MAGI3: variants seen among roughly 807,000 people sequenced by gnomAD.
The protein encoded by MAGI3 is membrane associated guanylate kinase, WW and PDZ domain containing 3.
A neutral mutation model predicts 121.8 loss-of-function variants in MAGI3; 43 were observed. The observed-to-expected ratio is 0.35, with a 90% CI of 0.28 to 0.46. The LOEUF is 0.46. MAGI3 is among the 20% of genes least tolerant of loss of function. MAGI3 has a pLI of 1.00. For missense variants in MAGI3, 1,547 were observed against 1,797.3 expected, an observed-to-expected ratio of 0.86 and a Z score of 2.52; for synonymous variants, 553 against 639.3, an observed-to-expected ratio of 0.86 and a Z score of 2.04.
At chr1:113,565,171 C>G (rs1224221466) in intron 2 of MAGI3, among the ~76,000 whole-genome samples, 1 of 152,028 alleles carries the variant, frequency 6.6e-6, no homozygotes, top group Non-Finnish European at 1.5e-5. Flanking sequence ...TTTTAAAGCA[C>G]AAAGTATCAA....
At chr1:113,623,477 C>CACACACACACACACACACACAT (rs1306716185) in intron 9 of MAGI3, among the ~76,000 whole-genome samples, 2 of 22,124 alleles carry the variant, frequency 9.0e-5, no homozygotes, top group African/African-American at 3.1e-4. Context: ...CACACACACA[C>CACACACACACACACACACACAT]ACACACACAC....
intron 1 of MAGI3, among the ~76,000 whole-genome samples, chr1:113,426,739 A>AT (rs931269521): frequency 7.2e-5 from 11 of 151,932 alleles, no homozygotes; most frequent in Non-Finnish European, 1.6e-4. Context: ...ACATGATATA[A>AT]TTTTTTTTAT....
chr1:113,446,749 T>C (rs1289761359), intron 1 of MAGI3, among the ~76,000 whole-genome samples: 1 of 152,146 alleles, frequency 6.6e-6, no homozygotes, highest in Admixed American at 6.5e-5. Flanking sequence ...TCAGACAAAA[T>C]AGGCTTTAAA....
chr1:113,681,084 A>G (rs1042446250), intron 19 of MAGI3, 114 bp from the exon 20 acceptor site: 36 of 1,239,458 alleles, frequency 2.9e-5, no homozygotes, highest in Non-Finnish European at 3.8e-5. Flanking sequence ...CACGTTAGGT[A>G]TTTTACAAAC....
chr1:113,648,705 G>A (rs1570997541), intron 12 of MAGI3, among the ~76,000 whole-genome samples: 1 of 152,078 alleles, frequency 6.6e-6, no homozygotes, highest in East Asian at 1.9e-4. Context: ...ATAAATGTTA[G>A]CTCTTAATTA....
Position 113,486,940 on chromosome 1 carries a change from G to A in MAGI3, c.317-62575G>A, listed in dbSNP as rs117778455. On this transcript the variant is annotated intron_variant, in intron 1 of 20. Coordinates refer to ENST00000307546, the MANE Select transcript of MAGI3 (RefSeq NM_001142782.2). ...TGCCCAGGCTGGTTGCAAACTCTTGGCCTCAAGCAATACTCCTGCCTTGAC... is the reference window on the plus strand; with the variant it reads ...TGCCCAGGCTGGTTGCAAACTCTTGACCTCAAGCAATACTCCTGCCTTGAC... 6.4e-4 allele frequency among the ~76,000 whole-genome samples: 98 copies of A among 152,170 alleles called. No individual in the cohort carries two copies. The East Asian group carries it at 0.017, about 26-fold the overall frequency.
chr1:113,663,348 C>T (rs547683314), intron 16 of MAGI3, among the ~76,000 whole-genome samples: 1 of 151,420 alleles, frequency 6.6e-6, no homozygotes, highest in African/African-American at 2.4e-5. Flanking sequence ...ACTTCATACC[C>T]ATTAGAAATC....
chr1:113,409,808 G>A (rs1651880875), intron 1 of MAGI3, among the ~76,000 whole-genome samples: 1 of 151,996 alleles, frequency 6.6e-6, no homozygotes, highest in Non-Finnish European at 1.5e-5. Flanking sequence ...AAAGTTATTT[G>A]ATTAATCTGT....
chr1:113,618,356 G>A (rs6694929), intron 7 of MAGI3, among the ~76,000 whole-genome samples: 1 of 151,672 alleles, frequency 6.6e-6, no homozygotes, highest in Non-Finnish European at 1.5e-5. Context: ...AATAAATAAA[G>A]AAATAAAAAG....
In MAGI3 at chr1:113,456,751, G is replaced by C. The variant is rs562733001; in HGVS notation, c.316+65402G>C. 2.4e-4 allele frequency among the ~76,000 whole-genome samples: 37 copies of C among 151,972 alleles called. 1 individual carries two copies. The East Asian group carries it at 5.8e-3, about 24-fold the overall frequency. On this transcript the variant is annotated intron_variant, in intron 1 of 20. Coordinates refer to ENST00000307546, the MANE Select transcript of MAGI3 (RefSeq NM_001142782.2). ...TCTTCAGTTAAAGAAAAACAAAGAAGAATTTCTGTCCAAACCAATATCCCA... is the reference window on the plus strand; with the variant it reads ...TCTTCAGTTAAAGAAAAACAAAGAACAATTTCTGTCCAAACCAATATCCCA...
intron 9 of MAGI3, among the ~76,000 whole-genome samples, chr1:113,630,504 C>T (rs894873798): frequency 6.6e-6 from 1 of 152,090 alleles, no homozygotes; most frequent in African/African-American, 2.4e-5. Flanking sequence ...TTACCTTTCC[C>T]CCTACTTTTC....
At position 113,585,543 on chromosome 1, in the gene MAGI3, C is replaced by A. The variant is rs765200196; in HGVS notation, c.710C>A (p.Pro237His). Residue 237 changes from proline (P) to histidine (H), a missense_variant, in exon 4 of 21, where the codon CCT (proline) becomes CAT (histidine). Pro to His is a moderately conservative substitution (Grantham distance 77). Coordinates refer to ENST00000307546, the MANE Select transcript of MAGI3 (RefSeq NM_001142782.2). ...SKMERMDSSL[P>H]EEEEDEDKEA... Reference sequence around the variant, plus strand: ...ATGGAAAGAATGGATAGCTCTCTTCCTGAAGAGGAAGAAGATGAGGACAAG... The same window carrying A: ...ATGGAAAGAATGGATAGCTCTCTTCATGAAGAGGAAGAAGATGAGGACAAG... 6.2e-7 allele frequency: 1 copy of A among 1,614,072 alleles called. No homozygotes were observed. The highest frequency in any genetic ancestry group is 8.5e-7 in the Non-Finnish European group (1 of 1,179,992).
At chr1:113,490,833 A>G (rs1432205924) in intron 1 of MAGI3, among the ~76,000 whole-genome samples, 2 of 152,170 alleles carry the variant, frequency 1.3e-5, no homozygotes, top group African/African-American at 4.8e-5. Context: ...AAGAAGTGCT[A>G]TATCCTAAAT....
intron 6 of MAGI3, 54 bp downstream of exon 6, chr1:113,594,614 T>C: frequency 6.8e-7 from 1 of 1,465,498 alleles, no homozygotes; most frequent in Non-Finnish European, 9.4e-7. Flanking sequence ...CCTTTCTTGC[T>C]CTTCTTGCTC....
At chr1:113,404,662 G>A (rs1651580531) in intron 1 of MAGI3, among the ~76,000 whole-genome samples, 1 of 152,138 alleles carries the variant, frequency 6.6e-6, no homozygotes, top group African/African-American at 2.4e-5. Flanking sequence ...TGTGGGGGCG[G>A]GGAGGGAGAA....
At chr1:113,466,446 TC>T (rs1004545519) in intron 1 of MAGI3, among the ~76,000 whole-genome samples, 1 of 152,182 alleles carries the variant, frequency 6.6e-6, no homozygotes, top group Non-Finnish European at 1.5e-5. Flanking sequence ...CCTGTAGTCT[TC>T]TTTTTTTGTT....
At chr1:113,672,499 G>A in intron 17 of MAGI3, 116 bp from the exon 18 acceptor site, 1 of 1,142,480 alleles carries the variant, frequency 8.8e-7, no homozygotes. Flanking sequence ...CTTCATAGTG[G>A]TTTGTCAGAG....
chr1:113,504,243 C>T (rs1455417521), intron 1 of MAGI3, among the ~76,000 whole-genome samples: 6 of 151,942 alleles, frequency 3.9e-5, no homozygotes, highest in African/African-American at 1.4e-4. Flanking sequence ...AAAGTTAAAA[C>T]TTATATTGCA....
chr1:113,555,469 G>A (rs531136103), intron 2 of MAGI3, among the ~76,000 whole-genome samples: 28 of 152,204 alleles, frequency 1.8e-4, no homozygotes, highest in African/African-American at 5.3e-4. Context: ...CAGCTTGGCC[G>A]AGTTACTATT....
Sources: gnomAD v4.1 joint callset for allele counts (sites outside exome capture counted in the v4.1 genomes callset) on GRCh38, gnomAD v4.1.1 for gene constraint, MANE v1.5 for transcripts, NCBI Gene and HGNC (gene_info 2026-07-23, HGNC 2026-07-21) for gene names.